VSIG10L: variants seen among roughly 807,000 people sequenced by gnomAD.
VSIG10L encodes the protein V-set and immunoglobulin domain-containing protein 10-like.
In VSIG10L, 63 loss-of-function variants were observed where a neutral mutation model predicts 67.3. The observed-to-expected ratio is 0.94, with a 90% CI of 0.76 to 1.15. The LOEUF is 1.15. Among genes scored for constraint, VSIG10L ranks in the 50% most tolerant of loss-of-function variants. The pLI is 0.00. For missense variants in VSIG10L, 1,050 were observed against 1,177.5 expected (o/e 0.89, Z 1.58); for synonymous variants, 499 against 524.9 (o/e 0.95, Z 0.67).
chr19:51,337,920 C>A lies in VSIG10L; in HGVS notation c.2008+10G>T. 2.6e-6 allele frequency: 4 copies of A among 1,533,146 alleles called. No homozygotes were observed. Among genetic ancestry groups the A allele is most frequent in the Non-Finnish European group, 3.5e-6 (4 of 1,136,704 alleles). 95.0% of individuals were successfully genotyped at this position (1,533,146 alleles called of 1,614,324 possible). ...TGGACTTCAGGGTTTTTTGAAATAA[C>A]GTGGCTCACCAATGAGGGTGATCTG... On this transcript the variant is annotated intron_variant, in intron 6 of 9. Transcript: ENST00000335624.
chr19:51,337,558 G>A, intron 6 of VSIG10L, 24 bp from the exon 7 acceptor site: 1 of 1,230,062 alleles, frequency 8.1e-7, no homozygotes, highest in African/African-American at 1.6e-5. Context: ...GGGGTGGCTG[G>A]ATTCTTGGGT....
At chr19:51,339,276 C>G (rs1985564692) in intron 4 of VSIG10L, 134 bp from the exon 5 acceptor site, 1 of 976,970 alleles carries the variant, frequency 1.0e-6, no homozygotes, top group Non-Finnish European at 1.3e-6. Context: ...ACTTTTCCTG[C>G]GATCCCGTTC....
chr19:51,336,790 C>T (rs575367606), intron 7 of VSIG10L, among the ~76,000 whole-genome samples: 19 of 92,488 alleles, frequency 2.1e-4, no homozygotes, highest in Admixed American at 1.5e-3. Context: ...TTTTTTGAGA[C>T]GGAGTCTGGC....
Position 51,332,379 on chromosome 19 carries a change from T to A in VSIG10L, c.*232A>T. 1 of 613,992 alleles carries A rather than the reference T, an allele frequency of 1.6e-6. No individual in the cohort carries two copies. The highest frequency in any genetic ancestry group is 1.8e-5 in the South Asian group (1 of 56,380). The allele number at this position is 613,992 out of a possible 1,614,324, so 38.0% of individuals were successfully genotyped here. ...CCACACAGTTAGATCAGCAAGAGTT[T>A]CCCAGCCAAGAAGTCACATCTCCTT... On this transcript the variant is annotated 3_prime_UTR_variant, in exon 10 of 10. Coordinates refer to ENST00000335624, the MANE Select transcript of VSIG10L (RefSeq NM_001163922.3).
intron 7 of VSIG10L, among the ~76,000 whole-genome samples, chr19:51,335,719 G>A (rs1985463095): frequency 1.3e-5 from 2 of 152,164 alleles, no homozygotes. Flanking sequence ...GACCAGCCTG[G>A]CCAACATGGC....
rs1214883325 is a variant in VSIG10L, at chr19:51,341,658, T to C, written c.390A>G (p.Lys130=). The C allele has an allele frequency of 3.2e-6, 5 of 1,551,558 alleles. No individual in the cohort carries two copies. The East Asian group carries it at 9.8e-5, about 30-fold the overall frequency. The part of the protein sequence containing the change: ...PDISDPQVPA[K]DPKPSFTVKT... Reference sequence around the variant, plus strand: ...TAACAGTGAAGGAAGGCTTGGGGTCTTTGGCAGGAACTTGAGGATCCGAAA... The same window carrying C: ...TAACAGTGAAGGAAGGCTTGGGGTCCTTGGCAGGAACTTGAGGATCCGAAA... Residue 130 remains lysine, a synonymous_variant, in exon 2 of 10, where the codon AAA becomes AAG. Transcript: ENST00000335624.
intron 7 of VSIG10L, among the ~76,000 whole-genome samples, chr19:51,336,835 C>T (rs1324417146): frequency 7.0e-6 from 1 of 142,542 alleles, no homozygotes; most frequent in Non-Finnish European, 1.5e-5. Flanking sequence ...TGGCTGATCT[C>T]GGCTCACTGC....
chr19:51,334,225 G>GAGAA lies in VSIG10L; in HGVS notation c.2381_2384dup (p.Leu796SerfsTer17). On this transcript the variant is annotated frameshift_variant, in exon 8 of 10. Coordinates refer to ENST00000335624, the MANE Select transcript of VSIG10L (RefSeq NM_001163922.3). LOFTEE classifies it high-confidence loss of function. ...GGCACAGGCAGCAGATGCAAAGGAG[G>GAGAA]AGAAGTACGGCTAGCAGCGCCAGGC... is the stretch of plus-strand genomic sequence containing the variant. 1 of 1,551,844 alleles carries GAGAA rather than the reference G, an allele frequency of 6.4e-7. No individual in the cohort carries two copies. Among genetic ancestry groups the GAGAA allele is most frequent in the Non-Finnish European group, 8.7e-7 (1 of 1,147,034 alleles).
At position 51,334,224 on chromosome 19, in the gene VSIG10L, G is replaced by A; in HGVS notation, c.2386C>T (p.Leu796Phe). 1 of 1,551,832 alleles carries A rather than the reference G, an allele frequency of 6.4e-7. No individual in the cohort carries two copies. Among genetic ancestry groups the A allele is most frequent in the Non-Finnish European group, 8.7e-7 (1 of 1,147,016 alleles). Residue 796 changes from leucine (L) to phenylalanine (F), a missense_variant, in exon 8 of 10, where the codon CTC becomes TTC. Leu to Phe is a conservative substitution (Grantham distance 22, BLOSUM62 0). Coordinates refer to ENST00000335624, the MANE Select transcript of VSIG10L (RefSeq NM_001163922.3). The stretch of plus-strand genomic sequence containing the variant: ...CGGCACAGGCAGCAGATGCAAAGGA[G>A]GAGAAGTACGGCTAGCAGCGCCAGG... ...LGLALLAVLLLLCICCLCRFR... is the reference protein window; with the variant it reads ...LGLALLAVLLFLCICCLCRFR...
chr19:51,340,012 C>A lies in VSIG10L; in HGVS notation c.1474+3G>T, dbSNP rs1599834691. On this transcript the variant is annotated splice_donor_region_variant and intron_variant, in intron 4 of 9. Coordinates refer to ENST00000335624, the MANE Select transcript of VSIG10L (RefSeq NM_001163922.3). The surrounding 1 kb of genome is among the most constrained non-coding windows in gnomAD (Gnocchi z 6.3). ...TTCCCCTACTCCCGCTCCAGCCTCT[C>A]ACCCGCCACTGTAAGGTTGAGCAGC... 1 of 1,399,730 alleles carries A rather than the reference C, an allele frequency of 7.1e-7. No homozygotes were observed. The highest frequency in any genetic ancestry group is 9.3e-7 in the Non-Finnish European group (1 of 1,080,306). 86.7% of individuals were successfully genotyped at this position (1,399,730 alleles called of 1,614,324 possible). A position where few individuals can be genotyped will look rare whatever the true frequency, so the allele number is the denominator to read the frequency against.
chr19:51,335,755 A>T (rs1054641324), intron 7 of VSIG10L, among the ~76,000 whole-genome samples: 1 of 150,716 alleles, frequency 6.6e-6, no homozygotes, highest in African/African-American at 2.5e-5. Context: ...CTAAAAATTC[A>T]AAAAAAATTA....
chr19:51,339,890 G>A (rs896308729), intron 4 of VSIG10L, 125 bp downstream of exon 4: 3 of 988,080 alleles, frequency 3.0e-6, no homozygotes, highest in Non-Finnish European at 3.8e-6. Flanking sequence ...CCCTCCCGCT[G>A]GCCCTGCCCC....
At chr19:51,334,514 T>C (rs1352681056) in intron 7 of VSIG10L, among the ~76,000 whole-genome samples, 1 of 152,150 alleles carries the variant, frequency 6.6e-6, no homozygotes, top group Admixed American at 6.5e-5. Context: ...AGACAGGTAG[T>C]GAGGATTCAT....
chr19:51,340,939 C>T lies in VSIG10L; in HGVS notation c.896-213G>A, dbSNP rs1357847153. 3.2e-6 allele frequency: 3 copies of T among 936,484 alleles called. No individual in the cohort carries two copies. Among genetic ancestry groups the T allele is most frequent in the Non-Finnish European group, 4.5e-6 (3 of 672,876 alleles). The allele number at this position is 936,484 out of a possible 1,614,324, so 58.0% of individuals were successfully genotyped here. A position where few individuals can be genotyped will look rare whatever the true frequency, so the allele number is the denominator to read the frequency against. On this transcript the variant is annotated intron_variant, in intron 2 of 9. Coordinates refer to ENST00000335624, the MANE Select transcript of VSIG10L (RefSeq NM_001163922.3). The surrounding 1 kb of genome is among the most constrained non-coding windows in gnomAD (Gnocchi z 6.3). ...GAGGCTCCTAGCCTCCTCCTCCTCC[C>T]TCAGACCTGGGAGTTCAGGCTCCCA...
intron 6 of VSIG10L, 61 bp from the exon 7 acceptor site, chr19:51,337,595 G>C (rs1189836400): frequency 7.4e-7 from 1 of 1,358,618 alleles, no homozygotes; most frequent in African/African-American, 1.5e-5. Flanking sequence ...AAGGGGGCTG[G>C]GGGGCTGGGC....
In VSIG10L at chr19:51,341,868, C is replaced by T. The variant is rs1985649269; in HGVS notation, c.180G>A (p.Trp60Ter). ...VEVPSIKPPS[W>*]KVPDQFLDSK... ...AATCCAGGAACTGATCTGGAACTTT[C>T]CAGCTGGGAGGTTTGATGGAGGGAA... is the stretch of plus-strand genomic sequence containing the variant. The change falls in exon 2 of 10, where the codon TGG becomes TGA. Residue 60 changes from tryptophan (W) to a stop codon, truncating the protein, a stop_gained. Transcript: ENST00000335624. LOFTEE classifies it high-confidence loss of function. The T allele has an allele frequency of 6.4e-7, 1 of 1,551,524 alleles. No homozygotes were observed. The highest frequency in any genetic ancestry group is 1.4e-5 in the African/African-American group (1 of 73,022).
chr19:51,340,274 C>T lies in VSIG10L; in HGVS notation c.1215G>A (p.Thr405=). The change falls in exon 4 of 10, where the codon ACG becomes ACA. Residue 405 remains threonine (T), a synonymous_variant. Transcript: ENST00000335624. This position sits in a 1 kb window ranked among gnomAD's most constrained non-coding sequence, Gnocchi z 6.3. The part of the protein sequence containing the change: ...VFYGPDPPTI[T]VSSDRDAAPA... ...GCGCGGCGTCGCGGTCCGAGGAGACCGTGATGGTCGGCGGGTCCGGGCCGT... is the reference window on the plus strand; with the variant it reads ...GCGCGGCGTCGCGGTCCGAGGAGACTGTGATGGTCGGCGGGTCCGGGCCGT... The T allele has an allele frequency of 6.6e-7, 1 of 1,519,198 alleles. No individual in the cohort carries two copies. Among genetic ancestry groups the T allele is most frequent in the Non-Finnish European group, 8.8e-7 (1 of 1,140,204 alleles). The allele number at this position is 1,519,198 out of a possible 1,614,324, so 94.1% of individuals were successfully genotyped here. A position where few individuals can be genotyped will look rare whatever the true frequency, so the allele number is the denominator to read the frequency against.
chr19:51,341,085 C>T (rs1443761008), intron 2 of VSIG10L, 68 bp downstream of exon 2: 1 of 1,450,582 alleles, frequency 6.9e-7, no homozygotes, highest in African/African-American at 1.4e-5. Context: ...AGCACCGTGA[C>T]TTGCCCAAAG....
At chr19:51,337,162 C>A (rs2123552572) in intron 7 of VSIG10L, 76 bp downstream of exon 7, 1 of 1,460,556 alleles carries the variant, frequency 6.8e-7, no homozygotes, top group Non-Finnish European at 9.2e-7. Flanking sequence ...TTAGGGCAGG[C>A]CCCAGGACAC....
Sources: allele counts gnomAD v4.1 joint callset (sites outside exome capture counted in the v4.1 genomes callset), GRCh38; gene constraint gnomAD v4.1.1; non-coding constraint Gnocchi (gnomAD v3.1); transcripts MANE v1.5; gene names NCBI Gene and HGNC (gene_info 2026-07-23, HGNC 2026-07-21).